Variants in BBC3 observed in about 807,000 individuals in gnomAD.
BBC3 encodes the protein bcl-2-binding component 3.
A neutral mutation model predicts 18.2 loss-of-function variants in BBC3; 5 were observed. That is an observed-to-expected ratio of 0.27 (90% CI 0.14 to 0.58). The LOEUF (loss-of-function observed/expected upper bound fraction) is 0.58. BBC3 is among the 20% of genes least tolerant of loss of function. BBC3 has a pLI of 0.91. For missense variants in BBC3, 224 were observed against 268.9 expected, an observed-to-expected ratio of 0.83 and a Z score of 1.17; for synonymous variants, 119 against 128.0, an observed-to-expected ratio of 0.93 and a Z score of 0.47.
chr19:47,228,074 C>T lies in BBC3; in HGVS notation c.274+84G>A. ...GCTGGGCCCGCCACCTCCCCCCGTC[C>T]TCTCCCACTTCTCCAGTTCCTCCGA... On this transcript the variant is annotated intron_variant, in intron 2 of 3. Coordinates refer to ENST00000439096, the MANE Select transcript of BBC3 (RefSeq NM_014417.5). This position sits in a 1 kb window ranked among gnomAD's most constrained non-coding sequence, Gnocchi z 5.5. 1 of 1,098,398 alleles carries T rather than the reference C, an allele frequency of 9.1e-7. No homozygotes were observed. The highest frequency in any genetic ancestry group is 1.1e-6 in the Non-Finnish European group (1 of 873,196). 68.0% of individuals were successfully genotyped at this position (1,098,398 alleles called of 1,614,324 possible).
chr19:47,223,609 C>T (rs2058777084), intron 3 of BBC3, among the ~76,000 whole-genome samples: 1 of 152,184 alleles, frequency 6.6e-6, no homozygotes, highest in African/African-American at 2.4e-5. Flanking sequence ...CTGCAATCCT[C>T]TGCCACTCCC....
At position 47,226,210 on chromosome 19, in the gene BBC3, G is replaced by C. The variant is rs541315546; in HGVS notation, c.465+354C>G. Among the ~76,000 whole-genome samples the C allele has an allele frequency of 5.9e-5, 9 of 151,682 alleles. No homozygotes were observed. In the South Asian group the frequency reaches 1.9e-3, roughly 31 times the overall value. Reference sequence around the variant, plus strand: ...GACGGCAGGGGGCGGGCGCGGCGCGGCTGCTGACTCACCGGCTATAAATAG... The same window carrying C: ...GACGGCAGGGGGCGGGCGCGGCGCGCCTGCTGACTCACCGGCTATAAATAG... On this transcript the variant is annotated intron_variant, in intron 3 of 3. Transcript: ENST00000439096.
upstream of BBC3, chr19:47,232,818 T>G (rs1052400754): frequency 4.8e-6 from 2 of 417,132 alleles, no homozygotes; most frequent in Non-Finnish European, 8.7e-6. Context: ...TGAGTAAGGA[T>G]GTCAGACTTC....
chr19:47,232,616 T>C (rs1384482090), upstream of BBC3: 3 of 1,523,234 alleles, frequency 2.0e-6, no homozygotes, highest in Non-Finnish European at 2.7e-6. Context: ...GTCTCATAGC[T>C]TTCCATTCCG....
intron 3 of BBC3, chr19:47,222,160 C>T: frequency 2.2e-6 from 1 of 456,238 alleles, no homozygotes; most frequent in East Asian, 3.7e-5. Flanking sequence ...GAGTGCGTGG[C>T]ACATTAGCTG....
At chr19:47,229,705 C>G (rs1418426722) in intron 1 of BBC3, among the ~76,000 whole-genome samples, 1 of 151,228 alleles carries the variant, frequency 6.6e-6, no homozygotes. Context: ...GCCAGCAACA[C>G]CCACCGTCTA....
intron 3 of BBC3, 78 bp from the exon 4 acceptor site, chr19:47,221,996 G>T: frequency 1.5e-6 from 2 of 1,317,252 alleles, no homozygotes; most frequent in South Asian, 3.0e-5. Context: ...AGCTCCAGGG[G>T]CAGCGAGGCG....
At chr19:47,226,779 C>A in intron 2 of BBC3, 25 bp from the exon 3 acceptor site, 1 of 1,376,674 alleles carries the variant, frequency 7.3e-7, no homozygotes, top group South Asian at 1.6e-5. Context: ...GGGGCGCGGT[C>A]AGCACCCACC....
chr19:47,231,353 C>T (rs1455536650), upstream of BBC3: 4 of 311,038 alleles, frequency 1.3e-5, no homozygotes, highest in Non-Finnish European at 1.9e-5. This position sits in a 1 kb window ranked among gnomAD's most constrained non-coding sequence, Gnocchi z 4.0. Context: ...CGCGCCGCGC[C>T]CCCCCCTACC....
chr19:47,232,732 A>G (rs2058926603), upstream of BBC3: 1 of 793,244 alleles, frequency 1.3e-6, no homozygotes, highest in South Asian at 1.9e-5. Flanking sequence ...TACACTTTCC[A>G]TCCTTACTGG....
Position 47,230,671 on chromosome 19 carries a change from C to T in BBC3, c.-16+258G>A, listed in dbSNP as rs1017678801. ...CCGCACTGGCCGCCAGGGGGCGCTG[C>T]CGAGCCCGCACCCCATTGTTTGTAA... is the stretch of plus-strand genomic sequence containing the variant. On this transcript the variant is annotated intron_variant, in intron 1 of 3. Coordinates refer to ENST00000439096, the MANE Select transcript of BBC3 (RefSeq NM_014417.5). The surrounding 1 kb of genome is among the most constrained non-coding windows in gnomAD (Gnocchi z 6.7). The T allele has an allele frequency of 1.2e-4, 111 of 947,588 alleles. No homozygotes were observed. The highest frequency in any genetic ancestry group is 1.4e-4 in the Non-Finnish European group (108 of 795,560). The allele number at this position is 947,588 out of a possible 1,614,324, so 58.7% of individuals were successfully genotyped here.
At chr19:47,226,490 C>G (rs561621383) in intron 3 of BBC3, 74 bp downstream of exon 3, 1 of 1,405,730 alleles carries the variant, frequency 7.1e-7, no homozygotes, top group Admixed American at 2.6e-5. Flanking sequence ...TGCCGCACAT[C>G]TGGCGGGGGC....
Position 47,230,427 on chromosome 19 carries a change from C to A in BBC3, c.-16+502G>T, listed in dbSNP as rs1383259611. On this transcript the variant is annotated intron_variant, in intron 1 of 3. Coordinates refer to ENST00000439096, the MANE Select transcript of BBC3 (RefSeq NM_014417.5). The surrounding 1 kb of genome is among the most constrained non-coding windows in gnomAD (Gnocchi z 6.7). Reference sequence around the variant, plus strand: ...CCCCCCCACCGCCGCCACGTGCGCCCGCCCCGCCCGCCAGGCGAGCGCGGG... The same window carrying A: ...CCCCCCCACCGCCGCCACGTGCGCCAGCCCCGCCCGCCAGGCGAGCGCGGG... 2.0e-5 allele frequency among the ~76,000 whole-genome samples: 3 copies of A among 151,592 alleles called. No individual in the cohort carries two copies. Among genetic ancestry groups the A allele is most frequent in the Non-Finnish European group, 3.0e-5 (2 of 67,714 alleles).
At chr19:47,224,519 G>A (rs1280125793) in intron 3 of BBC3, among the ~76,000 whole-genome samples, 4 of 151,912 alleles carry the variant, frequency 2.6e-5, no homozygotes, top group Admixed American at 2.6e-4. Flanking sequence ...CCAGCTACTT[G>A]GGAGGCTGAG....
At chr19:47,227,703 C>T (rs1347552563) in intron 2 of BBC3, among the ~76,000 whole-genome samples, 2 of 152,096 alleles carry the variant, frequency 1.3e-5, no homozygotes, top group African/African-American at 4.8e-5. Context: ...TCCCCCTCTC[C>T]TTCCTCCGCC....
upstream of BBC3, among the ~76,000 whole-genome samples, chr19:47,231,783 A>T (rs1175358569): frequency 6.6e-6 from 1 of 152,148 alleles, no homozygotes; most frequent in African/African-American, 2.4e-5. The surrounding 1 kb of genome is among the most constrained non-coding windows in gnomAD (Gnocchi z 4.0). Flanking sequence ...AGAAACACCC[A>T]CACTGATGAT....
chr19:47,230,719 G>A lies in BBC3; in HGVS notation c.-16+210C>T, dbSNP rs1404019466. 1.0e-6 allele frequency: 1 copy of A among 984,858 alleles called. No individual in the cohort carries two copies. Among genetic ancestry groups the A allele is most frequent in the East Asian group, 1.1e-4 (1 of 8,794 alleles). 61.0% of individuals were successfully genotyped at this position (984,858 alleles called of 1,614,324 possible). ...TAAACAAACCCGCCAGACCGCCGAG[G>A]CACCTGTGCGCCCAGACCGGCGCCC... On this transcript the variant is annotated intron_variant, in intron 1 of 3. Transcript: ENST00000439096. This position sits in a 1 kb window ranked among gnomAD's most constrained non-coding sequence, Gnocchi z 6.7.
At chr19:47,223,668 C>T (rs1009695502) in intron 3 of BBC3, among the ~76,000 whole-genome samples, 2 of 152,174 alleles carry the variant, frequency 1.3e-5, no homozygotes, top group Non-Finnish European at 2.9e-5. Context: ...ACCTAACCTC[C>T]TTCCCTTCAG....
chr19:47,221,968 A>G, intron 3 of BBC3, 50 bp from the exon 4 acceptor site: 3 of 1,504,848 alleles, frequency 2.0e-6, no homozygotes, highest in Non-Finnish European at 2.7e-6. Context: ...GAGTATGGTG[A>G]TGGGAGTGGG....
Sources: allele counts gnomAD v4.1 joint callset (sites outside exome capture counted in the v4.1 genomes callset), GRCh38; gene constraint gnomAD v4.1.1; non-coding constraint Gnocchi (gnomAD v3.1); transcripts MANE v1.5; gene names NCBI Gene and HGNC (gene_info 2026-07-23, HGNC 2026-07-21).